OXSR1: variants seen among roughly 807,000 people sequenced by gnomAD.
OXSR1 encodes serine/threonine-protein kinase OSR1.
A neutral mutation model predicts 79.8 loss-of-function variants in OXSR1; 24 were observed. The ratio of observed to expected loss-of-function variants is 0.30; its 90% CI spans 0.22 to 0.42. The LOEUF is 0.42. Ranked by LOEUF, OXSR1 falls within the 10% of genes least tolerant of loss-of-function variation. The pLI is 1.00. For synonymous variants in OXSR1, 226 were observed against 209.2 expected, an observed-to-expected ratio of 1.08 and a Z score of -0.69; for missense variants, 430 against 618.4, an observed-to-expected ratio of 0.70 and a Z score of 3.23.
At chr3:38,209,633 C>CTTTT (rs36124151) in intron 4 of OXSR1, among the ~76,000 whole-genome samples, 2 of 132,228 alleles carry the variant, frequency 1.5e-5, no homozygotes, top group African/African-American at 2.9e-5. Context: ...ATCAATTATA[C>CTTTT]TTTTTTTTTT....
chr3:38,206,705 A>C (rs957523161), intron 4 of OXSR1, among the ~76,000 whole-genome samples: 1 of 152,248 alleles, frequency 6.6e-6, no homozygotes, highest in Non-Finnish European at 1.5e-5. Context: ...CAATATATTT[A>C]AAATTAATCT....
rs564996161 is a variant in OXSR1, at chr3:38,211,362, T to C, written c.435-4734T>C. ...CCTTTGAACACTGTGATAGATGTTA[T>C]AGGTACATACAGGTTCAGGATTGTT... On this transcript the variant is annotated intron_variant, in intron 4 of 17. Coordinates refer to ENST00000311806, the MANE Select transcript of OXSR1 (RefSeq NM_005109.3). Among the ~76,000 whole-genome samples the C allele has an allele frequency of 5.3e-5, 8 of 152,334 alleles. No individual in the cohort carries two copies. In the South Asian group the frequency reaches 1.0e-3, roughly 20 times the overall value.
At chr3:38,216,988 A>C (rs1463649103) in intron 5 of OXSR1, among the ~76,000 whole-genome samples, 1 of 152,210 alleles carries the variant, frequency 6.6e-6, no homozygotes, top group Admixed American at 6.5e-5. Context: ...CTATTAACAG[A>C]GTAAAAGGGT....
intron 2 of OXSR1, 59 bp downstream of exon 2, chr3:38,183,174 G>A: frequency 1.3e-6 from 1 of 774,788 alleles, no homozygotes; most frequent in South Asian, 2.4e-5. Flanking sequence ...ACATTACAAT[G>A]GGAAATAACT....
At chr3:38,197,402 ACTT>A (rs1702089109) in intron 3 of OXSR1, among the ~76,000 whole-genome samples, 1 of 152,078 alleles carries the variant, frequency 6.6e-6, no homozygotes, top group African/African-American at 2.4e-5. Flanking sequence ...CCTTTCCTTC[ACTT>A]CTTCCTCACT....
Position 38,205,220 on chromosome 3 carries a change from G to A in OXSR1, c.434+6357G>A, listed in dbSNP as rs144106177. Among the ~76,000 whole-genome samples, 21 of 152,322 alleles carry A rather than the reference G, an allele frequency of 1.4e-4. No homozygotes were observed. The East Asian group carries it at 4.1e-3, about 29-fold the overall frequency. On this transcript the variant is annotated intron_variant, in intron 4 of 17. Transcript: ENST00000311806. ...CCTATCACCATTAGTGTCTCTAACAGTGATGTGAAGTTGAAATCAGGTACT... is the reference window on the plus strand; with the variant it reads ...CCTATCACCATTAGTGTCTCTAACAATGATGTGAAGTTGAAATCAGGTACT...
chr3:38,210,861 G>T (rs1479067561), intron 4 of OXSR1, among the ~76,000 whole-genome samples: 1 of 152,166 alleles, frequency 6.6e-6, no homozygotes, highest in African/African-American at 2.4e-5. Flanking sequence ...AACTGGATAA[G>T]ATTAAATCTT....
intron 1 of OXSR1, among the ~76,000 whole-genome samples, chr3:38,177,513 A>C (rs776927680): frequency 6.6e-6 from 1 of 152,218 alleles, no homozygotes; most frequent in Non-Finnish European, 1.5e-5. Flanking sequence ...TATGTACACT[A>C]GGGGATGATG....
At chr3:38,228,968 T>C (rs1016274697) in intron 8 of OXSR1, among the ~76,000 whole-genome samples, 9 of 152,096 alleles carry the variant, frequency 5.9e-5, no homozygotes, top group African/African-American at 2.2e-4. Flanking sequence ...CTTAGAGAGG[T>C]TGTGATTTGC....
chr3:38,231,308 G>T (rs530664224), intron 10 of OXSR1, among the ~76,000 whole-genome samples: 1 of 151,458 alleles, frequency 6.6e-6, no homozygotes, highest in African/African-American at 2.4e-5. Context: ...ATAATGCATC[G>T]TTACATATCA....
rs1703332235 is a variant in OXSR1, at chr3:38,254,886, A to C, written c.*1995A>C. 6.6e-6 allele frequency: 1 copy of C among 152,552 alleles called. No individual in the cohort carries two copies. Among genetic ancestry groups the C allele is most frequent in the Non-Finnish European group, 1.5e-5 (1 of 68,028 alleles). 9.4% of individuals were successfully genotyped at this position (152,552 alleles called of 1,614,324 possible). A position where few individuals can be genotyped will look rare whatever the true frequency, so the allele number is the denominator to read the frequency against. On this transcript the variant is annotated 3_prime_UTR_variant, in exon 18 of 18. Transcript: ENST00000311806. ...TAGCCCATCATTACCTGTGAACTGC[A>C]GTGGGGCAGTCATGGCAAATAGAAT...
chr3:38,204,260 G>A (rs563854295), intron 4 of OXSR1, among the ~76,000 whole-genome samples: 10 of 152,294 alleles, frequency 6.6e-5, no homozygotes, highest in African/African-American at 1.2e-4. Flanking sequence ...CCCAGGGCAC[G>A]TCCAGAAATG....
intron 2 of OXSR1, among the ~76,000 whole-genome samples, chr3:38,188,449 A>G (rs978155712): frequency 6.6e-6 from 1 of 152,190 alleles, no homozygotes; most frequent in East Asian, 1.9e-4. Flanking sequence ...ACTTGCGCTA[A>G]TATTAATATA....
intron 1 of OXSR1, among the ~76,000 whole-genome samples, chr3:38,170,253 C>G (rs1701552181): frequency 6.6e-6 from 1 of 151,876 alleles, no homozygotes; most frequent in South Asian, 2.1e-4. Context: ...ACCATGTTGG[C>G]CAGGCTGGTC....
chr3:38,179,143 A>G (rs1213006579), intron 1 of OXSR1, among the ~76,000 whole-genome samples: 1 of 149,028 alleles, frequency 6.7e-6, no homozygotes, highest in African/African-American at 2.5e-5. Flanking sequence ...CGATCCTCCT[A>G]CCTCACGCTC....
intron 11 of OXSR1, among the ~76,000 whole-genome samples, chr3:38,241,079 C>G (rs1182540415): frequency 6.6e-6 from 1 of 152,048 alleles, no homozygotes. Context: ...CCACATATTA[C>G]CTATTCACCA....
intron 11 of OXSR1, among the ~76,000 whole-genome samples, chr3:38,241,027 G>T (rs1703022205): frequency 6.6e-6 from 1 of 152,056 alleles, no homozygotes. Flanking sequence ...ATAGGGGGAA[G>T]TTTTGATAAG....
In OXSR1 at chr3:38,189,105, C is replaced by G. The variant is rs1701937986; in HGVS notation, c.184-1626C>G. On this transcript the variant is annotated intron_variant, in intron 2 of 17. Transcript: ENST00000311806. ...ATTTATGAAAATCATATGTACCTAT[C>G]ATCTTGTACTGTTATTTCTCCCTAT... is the stretch of plus-strand genomic sequence containing the variant. Among the ~76,000 whole-genome samples, 3 of 152,086 alleles carry G rather than the reference C, an allele frequency of 2.0e-5. No individual in the cohort carries two copies. The South Asian group carries it at 6.2e-4, about 31-fold the overall frequency.
At chr3:38,182,836 G>A (rs1482577963) in intron 1 of OXSR1, among the ~76,000 whole-genome samples, 167 bp from the exon 2 acceptor site, 3 of 152,148 alleles carry the variant, frequency 2.0e-5, no homozygotes, top group African/African-American at 7.2e-5. Context: ...ATATGAAATG[G>A]TTGAGGCTTT....
Sources: allele counts gnomAD v4.1 joint callset (sites outside exome capture counted in the v4.1 genomes callset), GRCh38; gene constraint gnomAD v4.1.1; transcripts MANE v1.5; gene names NCBI Gene and HGNC (gene_info 2026-07-23, HGNC 2026-07-21).